ESRRG: variants seen among roughly 807,000 people sequenced by gnomAD.
ESRRG encodes estrogen related receptor gamma.
In ESRRG, 13 loss-of-function variants were observed where a neutral mutation model predicts 44.0. That is an observed-to-expected ratio of 0.30 (90% CI 0.19 to 0.47). The LOEUF (loss-of-function observed/expected upper bound fraction) is 0.47. Ranked by LOEUF, ESRRG falls within the 20% of genes least tolerant of loss-of-function variation. The pLI, the probability that ESRRG is intolerant of heterozygous loss-of-function variation, is 1.00. For missense variants in ESRRG, 395 were observed against 580.6 expected (o/e 0.68, Z 3.29); for synonymous variants, 215 against 214.6 (o/e 1.00, Z -0.02).
intron 1 of ESRRG, among the ~76,000 whole-genome samples, chr1:216,962,892 G>T (rs907575028): frequency 6.6e-6 from 1 of 152,136 alleles, no homozygotes; most frequent in Non-Finnish European, 1.5e-5. Context: ...GTCTAAAAAA[G>T]AACCAGGTAG....
At chr1:217,043,131 A>G (rs1001430983) in intron 1 of ESRRG, among the ~76,000 whole-genome samples, 2 of 152,212 alleles carry the variant, frequency 1.3e-5, no homozygotes, top group African/African-American at 4.8e-5. Context: ...AAGACTTAAT[A>G]ATAACCTCTG....
intron 3 of ESRRG, among the ~76,000 whole-genome samples, chr1:216,650,229 CA>C (rs772983518): frequency 2.1e-4 from 32 of 152,088 alleles, no homozygotes; most frequent in Non-Finnish European, 4.1e-4. Flanking sequence ...CATTAAAGAA[CA>C]AAAACTGAAT....
chr1:216,532,668 C>A (rs2049740497), intron 5 of ESRRG, among the ~76,000 whole-genome samples: 1 of 152,072 alleles, frequency 6.6e-6, no homozygotes, highest in African/African-American at 2.4e-5. Flanking sequence ...GGACTAAATG[C>A]CTCAACAAGA....
At position 216,707,493 on chromosome 1, in the gene ESRRG, A is replaced by G. The variant is rs1391265056; in HGVS notation, c.56+15751T>C. On this transcript the variant is annotated intron_variant, in intron 1 of 6. Coordinates refer to ENST00000408911, the MANE Select transcript of ESRRG (RefSeq NM_001438.4). Reference sequence around the variant, plus strand: ...TGGGAACTTTACATCAGTTCTAAAAAGCCAAAACCAGAAAGTTAGGGTGAA... The same window carrying G: ...TGGGAACTTTACATCAGTTCTAAAAGGCCAAAACCAGAAAGTTAGGGTGAA... 2.0e-6 allele frequency: 3 copies of G among 1,527,508 alleles called. No individual in the cohort carries two copies. In the South Asian group the frequency reaches 3.7e-5, roughly 19 times the overall value. 94.6% of individuals were successfully genotyped at this position (1,527,508 alleles called of 1,614,324 possible).
chr1:216,840,335 C>G (rs75764188), intron 2 of ESRRG, among the ~76,000 whole-genome samples: 1 of 152,162 alleles, frequency 6.6e-6, no homozygotes, highest in African/African-American at 2.4e-5. Context: ...GCTTCCTCAC[C>G]TCTCTCAGCC....
intron 1 of ESRRG, among the ~76,000 whole-genome samples, chr1:217,027,817 A>G (rs896505250): frequency 1.3e-5 from 2 of 152,146 alleles, no homozygotes; most frequent in African/African-American, 2.4e-5. Flanking sequence ...ACAAATAACA[A>G]TGCAGGACAA....
chr1:217,055,418 A>G (rs1317990071), intron 1 of ESRRG, among the ~76,000 whole-genome samples: 6 of 152,150 alleles, frequency 3.9e-5, no homozygotes, highest in Admixed American at 1.3e-4. Context: ...TGAGCTGCAC[A>G]AGATATTCAC....
chr1:217,134,667 G>A (rs2093023199), intron 1 of ESRRG, among the ~76,000 whole-genome samples: 1 of 152,228 alleles, frequency 6.6e-6, no homozygotes, highest in Non-Finnish European at 1.5e-5. Flanking sequence ...GAGAAAGAGC[G>A]CCTGGCTGCG....
chr1:216,768,859 C>G (rs530334769), intron 2 of ESRRG, among the ~76,000 whole-genome samples: 1 of 152,108 alleles, frequency 6.6e-6, no homozygotes, highest in East Asian at 1.9e-4. Context: ...AAGTGAATAT[C>G]TTGTCTAGGA....
At chr1:217,045,716 T>G (rs1329207713) in intron 1 of ESRRG, among the ~76,000 whole-genome samples, 3 of 152,154 alleles carry the variant, frequency 2.0e-5, no homozygotes, top group African/African-American at 7.2e-5. Context: ...TGTCGTTTTT[T>G]TTTCATTTGA....
At chr1:216,697,725 T>C (rs756175774) in intron 1 of ESRRG, among the ~76,000 whole-genome samples, 2 of 152,220 alleles carry the variant, frequency 1.3e-5, no homozygotes, top group Non-Finnish European at 2.9e-5. Context: ...TCAGATTCCA[T>C]GTGGATAACA....
At chr1:216,936,664 T>C (rs1390753886) in intron 2 of ESRRG, 2 of 151,880 alleles carry the variant, frequency 1.3e-5, no homozygotes, top group African/African-American at 4.8e-5. Context: ...CTACTTACTT[T>C]GAAATAACAT....
chr1:216,769,019 G>A (rs1032101424), intron 2 of ESRRG, among the ~76,000 whole-genome samples: 3 of 151,764 alleles, frequency 2.0e-5, no homozygotes, highest in Admixed American at 6.6e-5. Flanking sequence ...AATGCCTAAT[G>A]TATGTTATTG....
intron 5 of ESRRG, among the ~76,000 whole-genome samples, chr1:216,552,690 C>T (rs2056672076): frequency 6.6e-6 from 1 of 152,090 alleles, no homozygotes; most frequent in Non-Finnish European, 1.5e-5. Context: ...CAATATGGTG[C>T]CTCCCCTTAA....
chr1:216,831,648 A>T (rs1222647258), intron 2 of ESRRG, among the ~76,000 whole-genome samples: 1 of 152,184 alleles, frequency 6.6e-6, no homozygotes, highest in East Asian at 1.9e-4. Flanking sequence ...AATATTAGAT[A>T]AAAAATTTAG....
chr1:216,919,592 C>T (rs1451161514), intron 2 of ESRRG, among the ~76,000 whole-genome samples: 1 of 152,166 alleles, frequency 6.6e-6, no homozygotes, highest in Non-Finnish European at 1.5e-5. Flanking sequence ...TTATTCTTCT[C>T]TTACAGAATT....
At chr1:216,510,613 C>T (rs113213830) in intron 6 of ESRRG, among the ~76,000 whole-genome samples, 64 of 152,240 alleles carry the variant, frequency 4.2e-4, no homozygotes, top group African/African-American at 1.3e-3. Flanking sequence ...GGGCCAGGTG[C>T]GGTGGCTCAC....
chr1:216,676,189 A>T (rs1269534989), intron 2 of ESRRG, among the ~76,000 whole-genome samples: 1 of 152,192 alleles, frequency 6.6e-6, no homozygotes, highest in Admixed American at 6.5e-5. Context: ...GCCAGAATAT[A>T]TATCTATAGC....
intron 1 of ESRRG, among the ~76,000 whole-genome samples, chr1:217,004,014 A>T (rs1423715117): frequency 6.6e-6 from 1 of 151,982 alleles, no homozygotes; most frequent in Non-Finnish European, 1.5e-5. Flanking sequence ...TAAATAAATA[A>T]CATACTGTCT....
Sources: allele counts gnomAD v4.1 joint callset (sites outside exome capture counted in the v4.1 genomes callset), GRCh38; gene constraint gnomAD v4.1.1; transcripts MANE v1.5; gene names NCBI Gene and HGNC (gene_info 2026-07-23, HGNC 2026-07-21).